The following LRIG2 variants were observed in gnomAD, a reference collection of about 807,000 sequenced individuals.
The protein encoded by LRIG2 is leucine rich repeats and immunoglobulin like domains 2.
LRIG2 carries 93 observed loss-of-function variants against 107.8 expected under a neutral mutation model. The observed-to-expected ratio is 0.86, with a 90% CI of 0.73 to 1.03. The LOEUF is 1.03. Ranked by LOEUF, LRIG2 falls within the 50% of genes least tolerant of loss-of-function variation. LRIG2 has a pLI of 0.00. For synonymous variants in LRIG2, 471 were observed against 470.6 expected (o/e 1.00, Z -0.01); for missense variants, 1,226 against 1,296.0 (o/e 0.95, Z 0.83).
intron 8 of LRIG2, among the ~76,000 whole-genome samples, chr1:113,098,265 T>C: frequency 6.6e-6 from 1 of 152,322 alleles, no homozygotes; most frequent in East Asian, 1.9e-4. Context: ...CTGTCAGCCA[T>C]TGTAAGTTCA....
chr1:113,109,907 T>C (rs1166679164), intron 12 of LRIG2, among the ~76,000 whole-genome samples: 1 of 152,190 alleles, frequency 6.6e-6, no homozygotes, highest in Non-Finnish European at 1.5e-5. Flanking sequence ...TTTCTGTTTT[T>C]CCCCAATAAC....
chr1:113,107,696 A>C lies in LRIG2; in HGVS notation c.1416A>C (p.Ala472=). The stretch of plus-strand genomic sequence containing the variant: ...AACATTCTGTGAATGTAAGCTGTGC[A>C]CACCCTGAATGGCTAGCAGGGCAAA... The part of the protein sequence containing the change: ...NFQHSVNVSC[A]HPEWLAGQSI... The change falls in exon 12 of 18, where the codon GCA becomes GCC. Residue 472 remains alanine (A), a synonymous_variant. Coordinates refer to ENST00000361127, the MANE Select transcript of LRIG2 (RefSeq NM_014813.3). 1 of 1,613,934 alleles carries C rather than the reference A, an allele frequency of 6.2e-7. No homozygotes were observed. The highest frequency in any genetic ancestry group is 8.5e-7 in the Non-Finnish European group (1 of 1,179,940).
chr1:113,094,720 T>C lies in LRIG2; in HGVS notation c.768T>C (p.Asp256=), dbSNP rs751035279. The change falls in exon 6 of 18, where the codon GAT becomes GAC. Residue 256 remains aspartate, a synonymous_variant. Coordinates refer to ENST00000361127, the MANE Select transcript of LRIG2 (RefSeq NM_014813.3). Reference sequence around the variant, plus strand: ...GGAATGGAATTAGCAAACTTAAGGATGGAGCATTTTTTGGCTTGAATAACA... The same window carrying C: ...GGAATGGAATTAGCAAACTTAAGGACGGAGCATTTTTTGGCTTGAATAACA... ...MQRNGISKLK[D]GAFFGLNNME... 8 of 1,613,928 alleles carry C rather than the reference T, an allele frequency of 5.0e-6. No homozygotes were observed. The highest frequency in any genetic ancestry group is 6.8e-6 in the Non-Finnish European group (8 of 1,179,906).
intron 1 of LRIG2, among the ~76,000 whole-genome samples, chr1:113,080,627 C>A (rs1158545714): frequency 1.4e-5 from 2 of 148,128 alleles, no homozygotes; most frequent in Non-Finnish European, 3.0e-5. Flanking sequence ...ATCCACCCGT[C>A]TCGGCCTCCC....
Position 113,125,173 on chromosome 1 carries a change from A to C in LRIG2, c.*1072A>C, listed in dbSNP as rs1169192676. Reference sequence around the variant, plus strand: ...GAGTGAGGCCCTGGCTCAAAAGTAAAATAAATAAATAAAAAGTTTTAAAAA... The same window carrying C: ...GAGTGAGGCCCTGGCTCAAAAGTAACATAAATAAATAAAAAGTTTTAAAAA... On this transcript the variant is annotated 3_prime_UTR_variant, in exon 18 of 18. Transcript: ENST00000361127. 6.6e-6 allele frequency: 1 copy of C among 152,198 alleles called. No individual in the cohort carries two copies. Among genetic ancestry groups the C allele is most frequent in the Non-Finnish European group, 1.5e-5 (1 of 68,028 alleles). 9.4% of individuals were successfully genotyped at this position (152,198 alleles called of 1,614,324 possible). A position where few individuals can be genotyped will look rare whatever the true frequency, so the allele number is the denominator to read the frequency against.
intron 1 of LRIG2, among the ~76,000 whole-genome samples, chr1:113,089,721 A>G (rs1257698045): frequency 9.8e-6 from 1 of 101,594 alleles, no homozygotes; most frequent in East Asian, 3.3e-4. Flanking sequence ...TTGCTTTGTC[A>G]CCGAGGCTGG....
chr1:113,121,425 C>G (rs567394778), intron 17 of LRIG2, among the ~76,000 whole-genome samples: 5 of 152,184 alleles, frequency 3.3e-5, no homozygotes, highest in African/African-American at 7.2e-5. Flanking sequence ...TTCTGTCAGC[C>G]TGACATGGAA....
chr1:113,097,402 A>G (rs1157967952), intron 8 of LRIG2, among the ~76,000 whole-genome samples: 2 of 140,720 alleles, frequency 1.4e-5, no homozygotes, highest in African/African-American at 2.5e-5. Context: ...AGACATAACC[A>G]TCAATGAGAG....
chr1:113,101,979 A>G (rs998941559), intron 11 of LRIG2, among the ~76,000 whole-genome samples: 2 of 151,438 alleles, frequency 1.3e-5, no homozygotes, highest in Non-Finnish European at 2.9e-5. Flanking sequence ...TCAGGTAACA[A>G]CTGAAGAAAA....
In LRIG2 at chr1:113,095,892, C is replaced by T. The variant is rs528409728; in HGVS notation, c.822C>T (p.Asn274=). The change falls in exon 7 of 18, where the codon AAC becomes AAT. Residue 274 remains asparagine (N), a synonymous_variant. Coordinates refer to ENST00000361127, the MANE Select transcript of LRIG2 (RefSeq NM_014813.3). ...TCTGCAGAGAACTGGAACACAACAA[C>T]CTTACACGAGTAAACAAGGGGTGGT... ...NMEELELEHN[N]LTRVNKGWLY... is the part of the protein sequence containing the mutation. 297 of 1,614,192 alleles carry T rather than the reference C, an allele frequency of 1.8e-4. 3 individuals are homozygous for T. The South Asian group carries it at 3.1e-3, about 17-fold the overall frequency.
chr1:113,080,209 C>T (rs1182860374), intron 1 of LRIG2, among the ~76,000 whole-genome samples: 16 of 150,858 alleles, frequency 1.1e-4, no homozygotes, highest in African/African-American at 3.9e-4. Flanking sequence ...TTAGTAGAGA[C>T]GGGGTTTCAC....
intron 1 of LRIG2, among the ~76,000 whole-genome samples, chr1:113,089,583 CT>C (rs921959731): frequency 6.6e-6 from 1 of 151,674 alleles, no homozygotes; most frequent in Non-Finnish European, 1.5e-5. Context: ...AGAAGAATGC[CT>C]GTCTGCCTTT....
intron 17 of LRIG2, among the ~76,000 whole-genome samples, chr1:113,120,596 C>T (rs558195479): frequency 1.4e-3 from 216 of 151,380 alleles, no homozygotes; most frequent in African/African-American, 4.1e-3. Context: ...CCAGGACCTC[C>T]GCCTCCCGGG....
chr1:113,106,098 C>T (rs897678049), intron 11 of LRIG2, among the ~76,000 whole-genome samples: 2 of 151,992 alleles, frequency 1.3e-5, no homozygotes, highest in African/African-American at 4.8e-5. Context: ...CATGGTGGCA[C>T]GCACCTGTAG....
chr1:113,115,577 G>A (rs146445180), intron 15 of LRIG2, among the ~76,000 whole-genome samples: 1 of 151,070 alleles, frequency 6.6e-6, no homozygotes, highest in East Asian at 2.0e-4. Context: ...TGCCAGGCTG[G>A]AGTGCAGCGG....
Position 113,099,302 on chromosome 1 carries a change from A to G in LRIG2, c.1172+517A>G, listed in dbSNP as rs1390597361. On this transcript the variant is annotated intron_variant, in intron 9 of 17. Coordinates refer to ENST00000361127, the MANE Select transcript of LRIG2 (RefSeq NM_014813.3). ...ACCCAGGCTGGAGTGCTGTGGTGCA[A>G]TCACAGCTCACAGCAGCTTCAACCT... 3.6e-5 allele frequency among the ~76,000 whole-genome samples: 5 copies of G among 140,530 alleles called. No individual in the cohort carries two copies. In the South Asian group the frequency reaches 6.8e-4, roughly 19 times the overall value. 92.2% of individuals were successfully genotyped at this position (140,530 alleles called of 152,430 possible).
chr1:113,076,130 C>G (rs1343465535), intron 1 of LRIG2, among the ~76,000 whole-genome samples: 1 of 151,962 alleles, frequency 6.6e-6, no homozygotes, highest in African/African-American at 2.4e-5. Context: ...CTCAGACTCC[C>G]AGGTAGCTGG....
At chr1:113,123,674 G>A (rs879256039) in intron 17 of LRIG2, among the ~76,000 whole-genome samples, 16 of 150,868 alleles carry the variant, frequency 1.1e-4, no homozygotes, top group Admixed American at 9.2e-4. Context: ...GTAAATAATT[G>A]GTTAGGTTTG....
intron 11 of LRIG2, among the ~76,000 whole-genome samples, chr1:113,104,571 G>A (rs559646027): frequency 1.3e-5 from 2 of 151,058 alleles, no homozygotes; most frequent in East Asian, 3.9e-4. Flanking sequence ...AGGCTGGAGT[G>A]CAGTGGCACG....
Sources: allele counts gnomAD v4.1 joint callset (sites outside exome capture counted in the v4.1 genomes callset), GRCh38; gene constraint gnomAD v4.1.1; transcripts MANE v1.5; gene names NCBI Gene and HGNC (gene_info 2026-07-23, HGNC 2026-07-21).